EDA: variants seen among roughly 807,000 people sequenced by gnomAD.
EDA encodes the protein ectodysplasin-A.
Under a neutral mutation model 23.6 loss-of-function variants are expected in EDA, and 2 were observed. The observed-to-expected ratio is 0.08, with a 90% CI of 0.03 to 0.27. The LOEUF (loss-of-function observed/expected upper bound fraction) is 0.27. Ranked by LOEUF, EDA falls within the 10% of genes least tolerant of loss-of-function variation. The pLI, the probability that EDA is intolerant of heterozygous loss-of-function variation, is 1.00. For missense variants in EDA, 229 were observed against 324.2 expected (o/e 0.71, Z 2.26); for synonymous variants, 131 against 132.0 (o/e 0.99, Z 0.05).
intron 2 of EDA, among the ~76,000 whole-genome samples, chrX:69,970,652 A>G (rs965588261): frequency 1.4e-4 from 16 of 111,899 alleles, no homozygotes; most frequent in Non-Finnish European, 3.0e-4. Context: ...ACATCTCACT[A>G]TATGGTCCAG....
intron 1 of EDA, among the ~76,000 whole-genome samples, chrX:69,737,023 C>T (rs1602351006): frequency 1.8e-5 from 2 of 109,011 alleles, no homozygotes; most frequent in African/African-American, 6.7e-5. Flanking sequence ...CCACCCATCT[C>T]GGCCTCCCAA....
chrX:69,999,620 G>GAAA (rs772656027), intron 2 of EDA, among the ~76,000 whole-genome samples: 31 of 77,100 alleles, frequency 4.0e-4, no homozygotes, highest in South Asian at 1.6e-3. Context: ...CTGTCTCAGA[G>GAAA]AAAAAAAAAA....
At chrX:69,733,550 T>C (rs2013127762) in intron 1 of EDA, among the ~76,000 whole-genome samples, 1 of 112,209 alleles carries the variant, frequency 8.9e-6, no homozygotes, top group Non-Finnish European at 1.9e-5. Flanking sequence ...CCTCCAGCTT[T>C]GTTCTTTTTG....
chrX:69,979,672 G>A (rs757235577), intron 2 of EDA, among the ~76,000 whole-genome samples: 2 of 111,061 alleles, frequency 1.8e-5, no homozygotes, highest in South Asian at 7.6e-4. Context: ...TGTGATTATT[G>A]GCCATTTGTA....
At chrX:69,877,521 CTT>C (rs758925726) in intron 1 of EDA, among the ~76,000 whole-genome samples, 3 of 110,484 alleles carry the variant, frequency 2.7e-5, no homozygotes, top group Non-Finnish European at 5.7e-5. Context: ...CCCATTTTTT[CTT>C]TTTTTTGTTT....
intron 2 of EDA, among the ~76,000 whole-genome samples, chrX:69,980,523 T>G (rs1054246981): frequency 3.6e-5 from 4 of 112,385 alleles, no homozygotes; most frequent in Non-Finnish European, 7.5e-5. Context: ...AGAATAATAC[T>G]TTTACATTTA....
At position 69,730,050 on chromosome X, in the gene EDA, G is replaced by A. The variant is rs190403349; in HGVS notation, c.396+113346G>A. Among the ~76,000 whole-genome samples the A allele has an allele frequency of 3.4e-3, 379 of 110,537 alleles. 1 individual carries two copies. The highest frequency in any genetic ancestry group is 4.7e-3 in the Non-Finnish European group (251 of 52,901). On this transcript the variant is annotated intron_variant, in intron 1 of 7. Transcript: ENST00000374552. ...TTAATTTTTAAAATTTTTTTGTGGA[G>A]ACATTGTCTTACTATGTTGCCCAGG...
chrX:69,773,604 T>A (rs1317249667), intron 1 of EDA, among the ~76,000 whole-genome samples: 2 of 111,808 alleles, frequency 1.8e-5, no homozygotes, highest in African/African-American at 3.3e-5. Flanking sequence ...TGTTTTTTTT[T>A]AATAATAACT....
intron 1 of EDA, among the ~76,000 whole-genome samples, chrX:69,636,978 A>G (rs928072316): frequency 9.0e-6 from 1 of 111,048 alleles, no homozygotes; most frequent in Middle Eastern, 4.2e-3. Flanking sequence ...TTTTTTTAGC[A>G]TTGCCCTGGG....
At chrX:69,833,565 T>C (rs2016683365) in intron 1 of EDA, among the ~76,000 whole-genome samples, 1 of 110,925 alleles carries the variant, frequency 9.0e-6, no homozygotes. Context: ...CATAAAATGA[T>C]TTAGGGAGGA....
At chrX:69,681,587 G>T (rs1161517351) in intron 1 of EDA, among the ~76,000 whole-genome samples, 2 of 110,673 alleles carry the variant, frequency 1.8e-5, no homozygotes, top group East Asian at 5.7e-4. Flanking sequence ...TTCCATCATT[G>T]ATACCCTTTC....
At chrX:69,917,734 CT>C (rs1479975300) in intron 1 of EDA, among the ~76,000 whole-genome samples, 2 of 111,190 alleles carry the variant, frequency 1.8e-5, no homozygotes, top group Non-Finnish European at 3.8e-5. Flanking sequence ...TTCTATGGCA[CT>C]TAGATTATCA....
intron 2 of EDA, among the ~76,000 whole-genome samples, chrX:70,011,357 G>T (rs1434223647): frequency 9.5e-6 from 1 of 105,222 alleles, no homozygotes; most frequent in Non-Finnish European, 1.9e-5. Flanking sequence ...TGGAGACAGG[G>T]TCTCACTCTG....
intron 1 of EDA, among the ~76,000 whole-genome samples, chrX:69,684,603 A>G: frequency 8.9e-6 from 1 of 111,941 alleles, no homozygotes; most frequent in South Asian, 3.7e-4. Context: ...TACAATCAAG[A>G]TTTTCCTTCA....
intron 1 of EDA, chrX:69,938,033 G>C: frequency 8.8e-7 from 1 of 1,136,079 alleles, no homozygotes; most frequent in Non-Finnish European, 1.2e-6. Flanking sequence ...GGGCACAAGG[G>C]AGTCTAGATG....
At chrX:69,762,972 T>C (rs942381533) in intron 1 of EDA, among the ~76,000 whole-genome samples, 8 of 111,892 alleles carry the variant, frequency 7.1e-5, no homozygotes, top group Non-Finnish European at 1.1e-4. Flanking sequence ...CCCAGAAAAA[T>C]AGGAATGATT....
At chrX:69,904,090 C>T (rs1340985647) in intron 1 of EDA, among the ~76,000 whole-genome samples, 3 of 111,023 alleles carry the variant, frequency 2.7e-5, no homozygotes, top group Admixed American at 9.6e-5. Context: ...AGATTACAGG[C>T]GTGAGCCACC....
intron 1 of EDA, among the ~76,000 whole-genome samples, chrX:69,750,876 T>C (rs1376095193): frequency 6.3e-5 from 7 of 111,841 alleles, no homozygotes; most frequent in African/African-American, 2.0e-4. Flanking sequence ...GGTTGTTTGA[T>C]TTTTTTCTTA....
intron 1 of EDA, among the ~76,000 whole-genome samples, chrX:69,793,545 G>A (rs1299416797): frequency 2.4e-5 from 2 of 84,089 alleles, no homozygotes; most frequent in Non-Finnish European, 4.5e-5. Context: ...GTTGAATGGA[G>A]CTTTTTGTTT....
Sources: allele counts gnomAD v4.1 joint callset (sites outside exome capture counted in the v4.1 genomes callset), GRCh38; gene constraint gnomAD v4.1.1; transcripts MANE v1.5; gene names NCBI Gene and HGNC (gene_info 2026-07-23, HGNC 2026-07-21).